ADGRG1: variants seen among roughly 807,000 people sequenced by gnomAD.
The protein encoded by ADGRG1 is adhesion G protein-coupled receptor G1, also known as 7-transmembrane protein with no EGF-like N-terminal domains-1.
In ADGRG1, 53 loss-of-function variants were observed where a neutral mutation model predicts 73.5. The observed-to-expected ratio is 0.72, with a 90% CI of 0.58 to 0.91. ADGRG1 has a LOEUF of 0.91. Among genes scored for constraint, ADGRG1 ranks in the 40% least tolerant of loss-of-function variants. The pLI, the probability that ADGRG1 is intolerant of heterozygous loss-of-function variation, is 0.00. For missense variants in ADGRG1, 795 were observed against 871.8 expected (o/e 0.91, Z 1.11); for synonymous variants, 394 against 374.4 (o/e 1.05, Z -0.60).
intron 1 of ADGRG1, chr16:57,646,550 T>C: frequency 1.0e-6 from 1 of 985,446 alleles, no homozygotes; most frequent in Non-Finnish European, 1.2e-6. Context: ...GGGGCTTCCT[T>C]GGGCCTCAGC....
At position 57,633,548 on chromosome 16, in the gene ADGRG1, G is replaced by A. The variant is rs558879898; in HGVS notation, c.-36+4746G>A. On this transcript the variant is annotated intron_variant, in intron 1 of 13. Coordinates refer to ENST00000562631, the MANE Select transcript of ADGRG1 (RefSeq NM_201525.4). Reference sequence around the variant, plus strand: ...GGCAGCACGAGGTGGGCTGTTAGGGGTGTGGGCTCTGGGGCTGCCTGATTC... The same window carrying A: ...GGCAGCACGAGGTGGGCTGTTAGGGATGTGGGCTCTGGGGCTGCCTGATTC... The A allele has an allele frequency of 5.1e-6, 5 of 983,180 alleles. No individual in the cohort carries two copies. The African/African-American group carries it at 8.7e-5, about 17-fold the overall frequency. 60.9% of individuals were successfully genotyped at this position (983,180 alleles called of 1,614,324 possible).
chr16:57,650,549 T>C (rs912674748), intron 2 of ADGRG1, 198 bp downstream of exon 2: 1 of 385,396 alleles, frequency 2.6e-6, no homozygotes, highest in Non-Finnish European at 3.6e-6. Context: ...GGGTATGGAA[T>C]ATGGATGGGG....
chr16:57,636,133 G>A, intron 1 of ADGRG1: 1 of 985,336 alleles, frequency 1.0e-6, no homozygotes, highest in Non-Finnish European at 1.2e-6. Flanking sequence ...GCAGCAATGG[G>A]AACGGGACCC....
chr16:57,662,974 C>T, intron 13 of ADGRG1: 1 of 985,264 alleles, frequency 1.0e-6, no homozygotes, highest in Non-Finnish European at 1.2e-6. Context: ...ATTTAACATT[C>T]AAGCCTTCAT....
At chr16:57,623,220 C>T, upstream of ADGRG1, 1 of 985,356 alleles carries the variant, frequency 1.0e-6, no homozygotes, top group Non-Finnish European at 1.2e-6. Flanking sequence ...TTCACCTGCT[C>T]CAAGTCTAGA....
In ADGRG1 at chr16:57,661,795, T is replaced by C. The variant is rs767898488; in HGVS notation, c.1763T>C (p.Val588Ala). 6 of 1,614,228 alleles carry C rather than the reference T, an allele frequency of 3.7e-6. No homozygotes were observed. In the South Asian group the frequency reaches 6.6e-5, roughly 18 times the overall value. The change falls in exon 13 of 14, where the codon GTG becomes GCG. Residue 588 changes from valine (V) to alanine (A), a missense_variant. Coordinates refer to ENST00000562631, the MANE Select transcript of ADGRG1 (RefSeq NM_201525.4). ...FNMAMLATMVVQILRLRPHTQ... is the reference protein window; with the variant it reads ...FNMAMLATMVAQILRLRPHTQ... Reference sequence around the variant, plus strand: ...ATGGCCATGCTAGCCACCATGGTGGTGCAGATCCTGCGGCTGCGCCCCCAC... The same window carrying C: ...ATGGCCATGCTAGCCACCATGGTGGCGCAGATCCTGCGGCTGCGCCCCCAC...
intron 4 of ADGRG1, chr16:57,653,566 C>T (rs1465394490): frequency 1.0e-6 from 1 of 985,274 alleles, no homozygotes; most frequent in African/African-American, 1.7e-5. Context: ...CCTCCTCCCC[C>T]TCATAAAGAA....
chr16:57,644,083 A>G, intron 1 of ADGRG1: 1 of 985,324 alleles, frequency 1.0e-6, no homozygotes, highest in African/African-American at 1.7e-5. Flanking sequence ...AACACCTGCA[A>G]GAGCCCTGCT....
chr16:57,626,995 C>T (rs2147086294), upstream of ADGRG1: 1 of 985,322 alleles, frequency 1.0e-6, no homozygotes, highest in Middle Eastern at 5.2e-4. Flanking sequence ...TGACATGGGC[C>T]CAGTCCCCAC....
intron 10 of ADGRG1, among the ~76,000 whole-genome samples, chr16:57,657,908 A>G (rs1180990970): frequency 6.6e-6 from 1 of 151,664 alleles, no homozygotes; most frequent in East Asian, 1.9e-4. Flanking sequence ...CACCTGGCTA[A>G]TCTGTATATT....
At chr16:57,632,835 G>T in intron 1 of ADGRG1, 9 of 985,336 alleles carry the variant, frequency 9.1e-6, no homozygotes, top group Non-Finnish European at 1.1e-5. Flanking sequence ...ATGGCCTGGC[G>T]GTGGGGAGAT....
At chr16:57,660,461 C>T (rs2046814739) in intron 11 of ADGRG1, 1 of 855,512 alleles carries the variant, frequency 1.2e-6, no homozygotes, top group South Asian at 5.3e-5. Flanking sequence ...ACTGTCTGCC[C>T]CTCCCATCTC....
At chr16:57,622,005 C>A in intron 2 of ADGRG1, 1 of 302,094 alleles carries the variant, frequency 3.3e-6, no homozygotes, top group South Asian at 1.3e-4. Flanking sequence ...TACCTGTAAT[C>A]CCAGCTCCTC....
chr16:57,634,987 G>A (rs1252599222), intron 1 of ADGRG1: 2 of 985,262 alleles, frequency 2.0e-6, no homozygotes, highest in African/African-American at 3.5e-5. Flanking sequence ...AGAGACCCCT[G>A]TCCATGTGTA....
In ADGRG1 at chr16:57,654,945, C is replaced by T. The variant is rs2148389648; in HGVS notation, c.769-454C>T. ...ACGTTGTCCAGGTTGGTCTTGACCT[C>T]CGGGGTTCAAGCAGTCCTCTCGCCC... is the stretch of plus-strand genomic sequence containing the variant. On this transcript the variant is annotated intron_variant, in intron 5 of 13. Transcript: ENST00000562631. 4 of 473,404 alleles carry T rather than the reference C, an allele frequency of 8.4e-6. 1 individual carries two copies. The Admixed American group carries it at 2.6e-4, about 30-fold the overall frequency. The allele number at this position is 473,404 out of a possible 1,614,324, so 29.3% of individuals were successfully genotyped here. A position where few individuals can be genotyped will look rare whatever the true frequency, so the allele number is the denominator to read the frequency against.
chr16:57,649,502 C>T (rs2043493084), intron 1 of ADGRG1, among the ~76,000 whole-genome samples: 1 of 152,092 alleles, frequency 6.6e-6, no homozygotes, highest in African/African-American at 2.4e-5. Flanking sequence ...AGGAGGTGTC[C>T]TCTGAGCTAG....
intron 1 of ADGRG1, among the ~76,000 whole-genome samples, chr16:57,644,864 GCA>G (rs1287934829): frequency 4.4e-5 from 6 of 137,060 alleles, no homozygotes; most frequent in Non-Finnish European, 9.2e-5. Flanking sequence ...ACACACCCAT[GCA>G]CACACACATG....
chr16:57,648,415 AC>A, intron 1 of ADGRG1: 1 of 975,312 alleles, frequency 1.0e-6, no homozygotes, highest in Non-Finnish European at 1.2e-6. Flanking sequence ...CTGTGATGCC[AC>A]CAGGGCAAGA....
chr16:57,662,435 C>T (rs4784838), intron 13 of ADGRG1, among the ~76,000 whole-genome samples: 92,496 of 151,908 alleles, frequency 0.61, 29,437 homozygotes, highest in African/African-American at 0.81. Context: ...CTACTCCAGG[C>T]GCGGTCCACA....
Sources: gnomAD v4.1 joint callset for allele counts (sites outside exome capture counted in the v4.1 genomes callset) on GRCh38, gnomAD v4.1.1 for gene constraint, MANE v1.5 for transcripts, NCBI Gene and HGNC (gene_info 2026-07-23, HGNC 2026-07-21) for gene names.